KCNIP4: variants seen among roughly 807,000 people sequenced by gnomAD.
KCNIP4 encodes Kv channel-interacting protein 4.
Under a neutral mutation model 34.0 loss-of-function variants are expected in KCNIP4, and 12 were observed. The ratio of observed to expected loss-of-function variants is 0.35; its 90% confidence interval spans 0.23 to 0.57. The LOEUF is 0.57. KCNIP4 is among the 20% of genes least tolerant of loss of function. The pLI is 0.83. For missense variants in KCNIP4, 238 were observed against 311.7 expected, an observed-to-expected ratio of 0.76 and a Z score of 1.78; for synonymous variants, 124 against 102.2, an observed-to-expected ratio of 1.21 and a Z score of -1.29.
intron 1 of KCNIP4, among the ~76,000 whole-genome samples, chr4:21,803,392 A>G (rs768156012): frequency 2.6e-5 from 4 of 152,116 alleles, no homozygotes; most frequent in African/African-American, 4.8e-5. Context: ...CCCACATCCA[A>G]CGTGGATCCT....
chr4:21,589,778 A>G (rs1374416781), intron 1 of KCNIP4, among the ~76,000 whole-genome samples: 2 of 151,970 alleles, frequency 1.3e-5, no homozygotes, highest in African/African-American at 4.8e-5. Context: ...TACAGAGGAT[A>G]GGGACCAAGT....
At chr4:21,582,692 C>T (rs1184882454) in intron 1 of KCNIP4, among the ~76,000 whole-genome samples, 1 of 151,614 alleles carries the variant, frequency 6.6e-6, no homozygotes, top group African/African-American at 2.4e-5. Flanking sequence ...ATGCAAATAC[C>T]TTTTCAAACA....
At chr4:20,773,648 C>T (rs951550363) in intron 3 of KCNIP4, among the ~76,000 whole-genome samples, 1 of 152,118 alleles carries the variant, frequency 6.6e-6, no homozygotes, top group African/African-American at 2.4e-5. Flanking sequence ...AGTTCTTTTT[C>T]TTAAGGGATT....
At chr4:21,771,331 T>C (rs937083678) in intron 1 of KCNIP4, among the ~76,000 whole-genome samples, 2 of 152,196 alleles carry the variant, frequency 1.3e-5, no homozygotes, top group Non-Finnish European at 2.9e-5. Flanking sequence ...CCATGCTATT[T>C]TGGTTACTGT....
chr4:21,743,226 G>C (rs1431214027), intron 1 of KCNIP4, among the ~76,000 whole-genome samples: 1 of 152,072 alleles, frequency 6.6e-6, no homozygotes, highest in African/African-American at 2.4e-5. Flanking sequence ...ATAAAATCAA[G>C]GTGTTGGCAG....
chr4:21,519,564 A>G lies in KCNIP4; in HGVS notation c.61+429007T>C, dbSNP rs148107497. Among the ~76,000 whole-genome samples the G allele has an allele frequency of 1.6e-3, 37 of 23,506 alleles. 9 individuals are homozygous for G. The highest frequency in any genetic ancestry group is 2.2e-3 in the Non-Finnish European group (29 of 12,968). 15.4% of individuals were successfully genotyped at this position (23,506 alleles called of 152,430 possible). On this transcript the variant is annotated intron_variant, in intron 1 of 8. Transcript: ENST00000382152. ...TATATACACATATGTGTGTATGTGT[A>G]TATATACACATATGTGTGTGTATGT...
chr4:21,516,350 G>GA (rs1379875491), intron 1 of KCNIP4, among the ~76,000 whole-genome samples: 2 of 152,138 alleles, frequency 1.3e-5, no homozygotes, highest in Non-Finnish European at 2.9e-5. Context: ...ATCTAGGTCA[G>GA]AAACTGTCAC....
At chr4:21,251,658 T>C (rs1760707136) in intron 1 of KCNIP4, among the ~76,000 whole-genome samples, 1 of 152,124 alleles carries the variant, frequency 6.6e-6, no homozygotes, top group Non-Finnish European at 1.5e-5. Flanking sequence ...GTGGCACATA[T>C]ACACCATGGA....
At chr4:20,740,844 A>C (rs1750883828) in intron 5 of KCNIP4, among the ~76,000 whole-genome samples, 1 of 152,122 alleles carries the variant, frequency 6.6e-6, no homozygotes, top group Non-Finnish European at 1.5e-5. Flanking sequence ...TGCAGAGACA[A>C]ACATAGGCTC....
intron 1 of KCNIP4, among the ~76,000 whole-genome samples, chr4:20,992,418 C>G (rs1237129288): frequency 2.0e-5 from 3 of 152,098 alleles, no homozygotes; most frequent in African/African-American, 7.2e-5. Context: ...CCGCCCTTGA[C>G]ATGTGGGGAT....
intron 1 of KCNIP4, among the ~76,000 whole-genome samples, chr4:21,669,587 C>T (rs1161450578): frequency 6.6e-6 from 1 of 151,988 alleles, no homozygotes; most frequent in Non-Finnish European, 1.5e-5. Flanking sequence ...TTTGACTGTG[C>T]TGAGATGGGC....
At chr4:21,605,831 A>G (rs371855443) in intron 1 of KCNIP4, among the ~76,000 whole-genome samples, 9 of 152,276 alleles carry the variant, frequency 5.9e-5, no homozygotes, top group African/African-American at 2.2e-4. Context: ...CATGTAAACA[A>G]AGATAGTTAA....
intron 1 of KCNIP4, among the ~76,000 whole-genome samples, chr4:21,565,010 G>A (rs1280423079): frequency 6.6e-6 from 1 of 152,118 alleles, no homozygotes; most frequent in Non-Finnish European, 1.5e-5. Flanking sequence ...TCAACATGAG[G>A]TTTGGGTTGG....
chr4:20,820,235 G>A (rs971641127), intron 3 of KCNIP4, among the ~76,000 whole-genome samples: 5 of 152,180 alleles, frequency 3.3e-5, no homozygotes, highest in Admixed American at 6.5e-5. Flanking sequence ...ATTCTGATGA[G>A]GCCTTAGATG....
chr4:21,689,773 C>T lies in KCNIP4; in HGVS notation c.61+258798G>A, dbSNP rs528810145. On this transcript the variant is annotated intron_variant, in intron 1 of 8. Transcript: ENST00000382152. ...TGCTCCCTTATGCCAAACCTTGGCA[C>T]AGTACTTCTATGCCCACCCTGGCCA... is the stretch of plus-strand genomic sequence containing the variant. 3.4e-3 allele frequency among the ~76,000 whole-genome samples: 516 copies of T among 152,194 alleles called. 2 individuals carry two copies. Among genetic ancestry groups the T allele is most frequent in the African/African-American group, 0.012 (494 of 41,532 alleles).
chr4:21,535,722 A>G (rs764085226), intron 1 of KCNIP4, among the ~76,000 whole-genome samples: 11 of 152,188 alleles, frequency 7.2e-5, no homozygotes, highest in Non-Finnish European at 1.5e-4. Flanking sequence ...AATGTGCTCC[A>G]TAGTTTATGT....
At chr4:21,325,726 C>G (rs1714973901) in intron 1 of KCNIP4, among the ~76,000 whole-genome samples, 1 of 151,744 alleles carries the variant, frequency 6.6e-6, no homozygotes, top group South Asian at 2.1e-4. Flanking sequence ...TTGATGTGGG[C>G]ACTTACGGCC....
At chr4:21,511,205 T>C (rs1734285512) in intron 1 of KCNIP4, among the ~76,000 whole-genome samples, 1 of 152,114 alleles carries the variant, frequency 6.6e-6, no homozygotes, top group South Asian at 2.1e-4. Context: ...AATAAAGGTA[T>C]TTCTAGAAAC....
chr4:21,070,107 T>C (rs1474767904), intron 1 of KCNIP4, among the ~76,000 whole-genome samples: 1 of 152,204 alleles, frequency 6.6e-6, no homozygotes. Context: ...CCTTTCAAGA[T>C]TGGAGTTTTC....
Sources: gnomAD v4.1 joint callset for allele counts (sites outside exome capture counted in the v4.1 genomes callset) on GRCh38, gnomAD v4.1.1 for gene constraint, MANE v1.5 for transcripts, NCBI Gene and HGNC (gene_info 2026-07-23, HGNC 2026-07-21) for gene names.